The following IQANK1 variants were observed in gnomAD, a reference collection of about 807,000 sequenced individuals.
IQANK1 encodes the protein IQ motif and ankyrin repeat domain-containing protein 1.
A neutral mutation model predicts 22.6 loss-of-function variants in IQANK1; 30 were observed. That is an observed-to-expected ratio of 1.33 (90% CI 0.99 to 1.80). IQANK1 has a LOEUF of 1.80. Among genes scored for constraint, IQANK1 ranks in the 40% most tolerant of loss-of-function variants. The pLI, the probability that IQANK1 is intolerant of heterozygous loss-of-function variation, is 0.00. For missense variants in IQANK1, 275 were observed against 235.2 expected (o/e 1.17, Z -1.11); for synonymous variants, 122 against 99.6 (o/e 1.23, Z -1.34).
chr8:143,767,976 C>T (rs1026231246), intron 3 of IQANK1, among the ~76,000 whole-genome samples: 4 of 144,968 alleles, frequency 2.8e-5, no homozygotes, highest in African/African-American at 1.0e-4. Flanking sequence ...CTCCTCCTCC[C>T]GGGTTCAAGT....
intron 3 of IQANK1, chr8:143,743,059 G>C (rs782277330): frequency 6.6e-6 from 3 of 455,966 alleles, no homozygotes; most frequent in Non-Finnish European, 1.3e-5. Flanking sequence ...CCTGTGTCCC[G>C]TTGCTGCTAT....
At chr8:143,785,207 T>G (rs1390144130) in intron 7 of IQANK1, among the ~76,000 whole-genome samples, 3 of 152,034 alleles carry the variant, frequency 2.0e-5, no homozygotes, top group Non-Finnish European at 2.9e-5. Flanking sequence ...TTTCTGCAGA[T>G]TTTTGTTTAT....
At chr8:143,789,899 G>T in intron 11 of IQANK1, 30 bp downstream of exon 11, 2 of 1,231,914 alleles carry the variant, frequency 1.6e-6, no homozygotes, top group Non-Finnish European at 2.0e-6. Flanking sequence ...CCGGCTGGGG[G>T]CTGGGACATA....
At position 143,789,766 on chromosome 8, in the gene IQANK1, C is replaced by G; in HGVS notation, c.1092C>G (p.Ile364Met). ...MDKTKLTLQA[I>M]KDTEAQVDRL... Reference sequence around the variant, plus strand: ...AGTGTGGCCTCCTCCTCCAGGCCATCAAGGACACAGAGGCCCAGGTGGACA... The same window carrying G: ...AGTGTGGCCTCCTCCTCCAGGCCATGAAGGACACAGAGGCCCAGGTGGACA... The change falls in exon 11 of 14, where the codon ATC (isoleucine) becomes ATG (methionine). Residue 364 changes from isoleucine (I) to methionine (M), a missense_variant. Ile to Met is a conservative substitution (Grantham distance 10). Transcript: ENST00000527139. 8.1e-7 allele frequency: 1 copy of G among 1,232,072 alleles called. No homozygotes were observed. The highest frequency in any genetic ancestry group is 1.0e-6 in the Non-Finnish European group (1 of 988,048). 76.3% of individuals were successfully genotyped at this position (1,232,072 alleles called of 1,614,324 possible). A position where few individuals can be genotyped will look rare whatever the true frequency, so the allele number is the denominator to read the frequency against.
chr8:143,790,582 G>A lies in IQANK1; in HGVS notation c.1657G>A (p.Val553Met), dbSNP rs908246777. ...EQLQVLLPVR[V>M]QLPGTGL ...GCTGCAGGTGCTGCTCCCAGTGCGCGTGCAGCTGCCAGGCACAGGCCTCTA... is the reference window on the plus strand; with the variant it reads ...GCTGCAGGTGCTGCTCCCAGTGCGCATGCAGCTGCCAGGCACAGGCCTCTA... Residue 553 changes from valine to methionine, a missense_variant, in exon 14 of 14, where the codon GTG becomes ATG. Coordinates refer to ENST00000527139, the MANE Select transcript of IQANK1 (RefSeq NM_001381874.1). 22 of 398,820 alleles carry A rather than the reference G, an allele frequency of 5.5e-5. No homozygotes were observed. Among genetic ancestry groups the A allele is most frequent in the South Asian group, 1.3e-4 (1 of 7,860 alleles). 24.7% of individuals were successfully genotyped at this position (398,820 alleles called of 1,614,324 possible). A position where few individuals can be genotyped will look rare whatever the true frequency, so the allele number is the denominator to read the frequency against.
Position 143,775,887 on chromosome 8 carries a change from G to A in IQANK1, c.789+3405G>A, listed in dbSNP as rs150899677. Reference sequence around the variant, plus strand: ...TGAAAAGTACATTGATACACTGGATGGGATTAATGGAAGATGCAGATTAGA... The same window carrying A: ...TGAAAAGTACATTGATACACTGGATAGGATTAATGGAAGATGCAGATTAGA... On this transcript the variant is annotated intron_variant, in intron 7 of 13. Transcript: ENST00000527139. 3.9e-5 allele frequency among the ~76,000 whole-genome samples: 6 copies of A among 152,014 alleles called. No homozygotes were observed. In the East Asian group the frequency reaches 9.7e-4, roughly 24 times the overall value.
Position 143,771,987 on chromosome 8 carries a change from A to C in IQANK1, c.471+22A>C. ...GGAGGTCAGCGGGGGCGGGAGGAGG[A>C]CGAGGGCGGGGGGTGGGGTGGGAGT... is the stretch of plus-strand genomic sequence containing the variant. On this transcript the variant is annotated intron_variant, in intron 5 of 13. Transcript: ENST00000527139. This position sits in a 1 kb window ranked among gnomAD's most constrained non-coding sequence, Gnocchi z 6.0. 1 of 63,506 alleles carries C rather than the reference A, an allele frequency of 1.6e-5. No homozygotes were observed. The highest frequency in any genetic ancestry group is 6.9e-5 in the African/African-American group (1 of 14,464). The allele number at this position is 63,506 out of a possible 1,614,324, so 3.9% of individuals were successfully genotyped here.
chr8:143,747,958 C>CTTTCCTTTCCTTTCCTTTCCTTTCT (rs1819064764), intron 3 of IQANK1, among the ~76,000 whole-genome samples: 1 of 112,798 alleles, frequency 8.9e-6, no homozygotes, highest in African/African-American at 3.5e-5. Flanking sequence ...CTTTCCTTTC[C>CTTTCCTTTCCTTTCCTTTCCTTTCT]TTTCCTTTCC....
chr8:143,787,247 G>T (rs1819906666), intron 7 of IQANK1, among the ~76,000 whole-genome samples: 1 of 152,198 alleles, frequency 6.6e-6, no homozygotes, highest in Admixed American at 6.5e-5. Flanking sequence ...GTAAAATTTT[G>T]ATTTTGGCCC....
rs141049800 is a variant in IQANK1 at position 143,735,757 on chromosome 8, C to T, written c.-4-93C>T. 2.1e-4 allele frequency: 143 copies of T among 669,060 alleles called. No homozygotes were observed. In the Middle Eastern group the frequency reaches 3.6e-3, roughly 17 times the overall value. 41.4% of individuals were successfully genotyped at this position (669,060 alleles called of 1,614,324 possible). A position where few individuals can be genotyped will look rare whatever the true frequency, so the allele number is the denominator to read the frequency against. Reference sequence around the variant, plus strand: ...ATGTTCCTGCTGTCATCCACTCAGGCGCCCATGGTGTGCCCTGTTCCCCAC... The same window carrying T: ...ATGTTCCTGCTGTCATCCACTCAGGTGCCCATGGTGTGCCCTGTTCCCCAC... On this transcript the variant is annotated intron_variant, in intron 1 of 13. Coordinates refer to ENST00000527139, the MANE Select transcript of IQANK1 (RefSeq NM_001381874.1). This position sits in a 1 kb window ranked among gnomAD's most constrained non-coding sequence, Gnocchi z 5.2.
intron 3 of IQANK1, among the ~76,000 whole-genome samples, chr8:143,757,792 A>G (rs573350787): frequency 6.6e-6 from 1 of 152,252 alleles, no homozygotes; most frequent in African/African-American, 2.4e-5. Flanking sequence ...AGGATTTTAC[A>G]GGCCACTGTG....
At chr8:143,764,008 T>A (rs1266271735) in intron 3 of IQANK1, among the ~76,000 whole-genome samples, 2 of 152,100 alleles carry the variant, frequency 1.3e-5, no homozygotes, top group Non-Finnish European at 1.5e-5. Flanking sequence ...TTTGGGAATT[T>A]AAAAATATGT....
chr8:143,775,131 A>C (rs1413897503), intron 7 of IQANK1, among the ~76,000 whole-genome samples: 1 of 152,078 alleles, frequency 6.6e-6, no homozygotes, highest in Non-Finnish European at 1.5e-5. Flanking sequence ...ACACACGAGT[A>C]GATGTGAAAT....
At chr8:143,782,145 AT>A (rs1554630983) in intron 7 of IQANK1, among the ~76,000 whole-genome samples, 1 of 152,092 alleles carries the variant, frequency 6.6e-6, no homozygotes, top group East Asian at 1.9e-4. Context: ...GATGCTAGTG[AT>A]TTTTGTACAT....
intron 3 of IQANK1, chr8:143,743,114 C>T (rs923309571): frequency 3.0e-5 from 13 of 440,162 alleles, no homozygotes; most frequent in Admixed American, 2.6e-4. Flanking sequence ...CCACCGGGCA[C>T]GGCCTTGCCA....
chr8:143,790,014 G>A lies in IQANK1; in HGVS notation c.1239G>A (p.Leu413=). 8.1e-7 allele frequency: 1 copy of A among 1,232,112 alleles called. No homozygotes were observed. Among genetic ancestry groups the A allele is most frequent in the South Asian group, 4.1e-5 (1 of 24,324 alleles). The allele number at this position is 1,232,112 out of a possible 1,614,324, so 76.3% of individuals were successfully genotyped here. A position where few individuals can be genotyped will look rare whatever the true frequency, so the allele number is the denominator to read the frequency against. Residue 413 remains leucine, a synonymous_variant, in exon 12 of 14, where the codon CTG becomes CTA. Coordinates refer to ENST00000527139, the MANE Select transcript of IQANK1 (RefSeq NM_001381874.1). The part of the protein sequence containing the change: ...APGLKCQVTE[L]HDVLMKDVGN... ...GGCTGAAGTGCCAGGTCACCGAGCT[G>A]CACGATGTGCTGATGAAAGATGTAG...
intron 3 of IQANK1, among the ~76,000 whole-genome samples, chr8:143,765,270 T>A (rs958125254): frequency 3.3e-5 from 5 of 151,706 alleles, no homozygotes; most frequent in African/African-American, 1.2e-4. Context: ...GGTGGGAGAA[T>A]CACTTGAACC....
rs941558998 is a variant in IQANK1, at chr8:143,735,988, G to A, written c.85+50G>A. 31 of 700,688 alleles carry A rather than the reference G, an allele frequency of 4.4e-5. No homozygotes were observed. The African/African-American group carries it at 4.9e-4, about 11-fold the overall frequency. 43.4% of individuals were successfully genotyped at this position (700,688 alleles called of 1,614,324 possible). On this transcript the variant is annotated intron_variant, in intron 2 of 13. Coordinates refer to ENST00000527139, the MANE Select transcript of IQANK1 (RefSeq NM_001381874.1). This position sits in a 1 kb window ranked among gnomAD's most constrained non-coding sequence, Gnocchi z 5.2. The stretch of plus-strand genomic sequence containing the variant: ...AGCACTGTCACCCAGACACTGACCT[G>A]TGAGACCTTCTATGTAGCCACCGAG...
intron 2 of IQANK1, among the ~76,000 whole-genome samples, chr8:143,738,201 G>A (rs1563766026): frequency 1.3e-5 from 2 of 152,164 alleles, no homozygotes; most frequent in Non-Finnish European, 2.9e-5. Context: ...CTCCTGGCCC[G>A]GGGTTTGCGA....
Sources: allele counts gnomAD v4.1 joint callset (sites outside exome capture counted in the v4.1 genomes callset), GRCh38; gene constraint gnomAD v4.1.1; non-coding constraint Gnocchi (gnomAD v3.1); transcripts MANE v1.5; gene names NCBI Gene and HGNC (gene_info 2026-07-23, HGNC 2026-07-21).